SCAP: variants seen among roughly 807,000 people sequenced by gnomAD.
The protein encoded by SCAP is SREBF chaperone.
In SCAP, 65 loss-of-function variants were observed where a neutral mutation model predicts 123.6. The observed-to-expected ratio is 0.53, with a 90% confidence interval of 0.43 to 0.65. The LOEUF (loss-of-function observed/expected upper bound fraction) is 0.65. Ranked by LOEUF, SCAP falls within the 30% of genes least tolerant of loss-of-function variation. The pLI is 0.00. For synonymous variants in SCAP, 740 were observed against 726.3 expected (o/e 1.02, Z -0.30); for missense variants, 1,398 against 1,712.5 (o/e 0.82, Z 3.24).
intron 1 of SCAP, among the ~76,000 whole-genome samples, chr3:47,460,268 A>C (rs139953069): frequency 1.3e-5 from 2 of 152,242 alleles, no homozygotes; most frequent in Non-Finnish European, 1.5e-5. Flanking sequence ...TACGAAGATA[A>C]CAGGATTAAG....
intron 7 of SCAP, 110 bp downstream of exon 7, chr3:47,425,887 G>T: frequency 8.1e-7 from 1 of 1,231,410 alleles, no homozygotes; most frequent in South Asian, 1.4e-5. Flanking sequence ...TGACCACCAG[G>T]TGTGTTCTAT....
chr3:47,426,094 C>T lies in SCAP; in HGVS notation c.813G>A (p.Leu271=). The T allele has an allele frequency of 6.2e-7, 1 of 1,614,072 alleles. No individual in the cohort carries two copies. Among genetic ancestry groups the T allele is most frequent in the South Asian group, 1.1e-5 (1 of 91,084 alleles). Reference sequence around the variant, plus strand: ...TCTCCTCCTTGAAGTGCACGTGGACCAGGCTCTCCGCCCGAAGGCTGCAGT... The same window carrying T: ...TCTCCTCCTTGAAGTGCACGTGGACTAGGCTCTCCGCCCGAAGGCTGCAGT... ...SPNCSLRAES[L]VHVHFKEEIG... Residue 271 remains leucine (L), a synonymous_variant, in exon 7 of 23, where the codon CTG becomes CTA. Transcript: ENST00000265565.
intron 1 of SCAP, among the ~76,000 whole-genome samples, chr3:47,463,748 A>C (rs563507091): frequency 2.2e-3 from 336 of 152,294 alleles, no homozygotes; most frequent in Middle Eastern, 6.8e-3. Context: ...ACAGGGGCTT[A>C]GCCTTGTTCA....
At chr3:47,438,354 G>A (rs1417479281) in intron 2 of SCAP, among the ~76,000 whole-genome samples, 1 of 151,996 alleles carries the variant, frequency 6.6e-6, no homozygotes, top group Non-Finnish European at 1.5e-5. Flanking sequence ...TTATATGCTG[G>A]GAACTGAGAA....
intron 2 of SCAP, among the ~76,000 whole-genome samples, chr3:47,435,785 A>T (rs759918726): frequency 6.6e-6 from 1 of 152,198 alleles, no homozygotes; most frequent in Non-Finnish European, 1.5e-5. Flanking sequence ...GCAGTGGGTT[A>T]TGCCTGTAAC....
chr3:47,418,984 C>A, intron 13 of SCAP, 141 bp from the exon 14 acceptor site: 2 of 969,080 alleles, frequency 2.1e-6, no homozygotes, highest in Non-Finnish European at 1.5e-6. Flanking sequence ...GGGTTGGGGA[C>A]AGAGGTAGGT....
At chr3:47,440,881 G>A (rs1021432156) in intron 2 of SCAP, among the ~76,000 whole-genome samples, 2 of 152,008 alleles carry the variant, frequency 1.3e-5, no homozygotes, top group African/African-American at 4.8e-5. Flanking sequence ...AAAAAGAATG[G>A]GATAATACAG....
chr3:47,425,788 C>T (rs923120244), intron 7 of SCAP, among the ~76,000 whole-genome samples, 177 bp from the exon 8 acceptor site: 3 of 152,202 alleles, frequency 2.0e-5, no homozygotes, highest in Admixed American at 1.3e-4. Flanking sequence ...TTTTAGGAAC[C>T]CTAACCCAGG....
chr3:47,468,348 G>C (rs1490647702), intron 1 of SCAP, among the ~76,000 whole-genome samples: 1 of 151,014 alleles, frequency 6.6e-6, no homozygotes, highest in East Asian at 1.9e-4. Context: ...AGTGTAAAAG[G>C]GTTCCTATTT....
At chr3:47,427,133 A>G in intron 6 of SCAP, 24 bp downstream of exon 6, 2 of 1,548,872 alleles carry the variant, frequency 1.3e-6, no homozygotes, top group Non-Finnish European at 1.8e-6. Context: ...ACCAGTCAAG[A>G]GCCCAGGGTA....
At position 47,427,998 on chromosome 3, in the gene SCAP, G is replaced by A. The variant is rs1053121671; in HGVS notation, c.411-331C>T. On this transcript the variant is annotated intron_variant, in intron 4 of 22. Coordinates refer to ENST00000265565, the MANE Select transcript of SCAP (RefSeq NM_012235.4). ...GAGCAGGGACCGGGGTAAATTAGGG[G>A]CTTCATTTAGTTCACCAAAATATCT... 2.0e-5 allele frequency among the ~76,000 whole-genome samples: 3 copies of A among 152,148 alleles called. No individual in the cohort carries two copies. In the South Asian group the frequency reaches 6.2e-4, roughly 32 times the overall value.
chr3:47,425,694 C>A (rs771765479), intron 7 of SCAP, 83 bp from the exon 8 acceptor site: 13 of 1,490,696 alleles, frequency 8.7e-6, no homozygotes, highest in Admixed American at 1.8e-5. Flanking sequence ...GTTGCCCTGA[C>A]AGTCGAGGAA....
rs1245757942 is a variant in SCAP at position 47,414,199 on chromosome 3, T to C, written c.3575A>G (p.Lys1192Arg). The change falls in exon 22 of 23, where the codon AAG becomes AGG. Residue 1192 changes from lysine to arginine, a missense_variant. Coordinates refer to ENST00000265565, the MANE Select transcript of SCAP (RefSeq NM_012235.4). The part of the protein sequence containing the change: ...ISIWDRSTGI[K>R]FYSIQQDLGC... ...CTCTACCTGCTGAATGGAGTAGAAC[T>C]TGATGCCTGTGCTGCGGTCCCAGAT... The C allele has an allele frequency of 4.3e-6, 7 of 1,613,598 alleles. No individual in the cohort carries two copies. The highest frequency in any genetic ancestry group is 5.9e-6 in the Non-Finnish European group (7 of 1,180,024).
intron 3 of SCAP, among the ~76,000 whole-genome samples, chr3:47,432,177 C>T (rs1384804457): frequency 3.3e-5 from 5 of 151,720 alleles, no homozygotes; most frequent in Non-Finnish European, 7.4e-5. Flanking sequence ...ATTAGCCAGG[C>T]GTGGTGGTGC....
At chr3:47,460,163 A>G (rs1707577042) in intron 1 of SCAP, among the ~76,000 whole-genome samples, 2 of 152,204 alleles carry the variant, frequency 1.3e-5, no homozygotes, top group Admixed American at 1.3e-4. Context: ...TCTGTTTTCA[A>G]GATGCACTGA....
chr3:47,437,941 T>C (rs568135196), intron 2 of SCAP, among the ~76,000 whole-genome samples: 1 of 152,326 alleles, frequency 6.6e-6, no homozygotes, highest in African/African-American at 2.4e-5. Flanking sequence ...CAGTTTTCCA[T>C]AGCGGTTGTA....
intron 1 of SCAP, among the ~76,000 whole-genome samples, chr3:47,467,328 G>A (rs182446051): frequency 3.7e-4 from 57 of 152,072 alleles, no homozygotes; most frequent in African/African-American, 5.5e-4. Context: ...ATACAGGCTC[G>A]GTGGGGTGGC....
chr3:47,430,801 G>A (rs566438733), intron 3 of SCAP, among the ~76,000 whole-genome samples: 22 of 151,932 alleles, frequency 1.4e-4, no homozygotes, highest in African/African-American at 5.3e-4. Context: ...GCCCAGCCCA[G>A]CTGAGGGATG....
intron 8 of SCAP, 46 bp downstream of exon 8, chr3:47,425,439 G>A (rs529129479): frequency 3.1e-6 from 5 of 1,590,434 alleles, no homozygotes; most frequent in Non-Finnish European, 4.3e-6. Flanking sequence ...AAGGCTCTCT[G>A]GCCTGAGCCC....
Sources: gnomAD v4.1 joint callset for allele counts (sites outside exome capture counted in the v4.1 genomes callset) on GRCh38, gnomAD v4.1.1 for gene constraint, MANE v1.5 for transcripts, NCBI Gene and HGNC (gene_info 2026-07-23, HGNC 2026-07-21) for gene names.